Variants in PCSK5 observed in about 807,000 individuals in gnomAD.
PCSK5 encodes the protein prohormone convertase 5.
A neutral mutation model predicts 233.2 loss-of-function variants in PCSK5; 129 were observed. The observed-to-expected ratio is 0.55, with a 90% CI of 0.48 to 0.64. The LOEUF is 0.64. Ranked by LOEUF, PCSK5 falls within the 30% of genes least tolerant of loss-of-function variation. The pLI is 0.00. For synonymous variants in PCSK5, 825 were observed against 879.2 expected, an observed-to-expected ratio of 0.94 and a Z score of 1.09; for missense variants, 2,076 against 2,430.1, an observed-to-expected ratio of 0.85 and a Z score of 3.06.
intron 7 of PCSK5, among the ~76,000 whole-genome samples, chr9:76,088,484 A>G (rs2131635049): frequency 6.6e-6 from 1 of 152,336 alleles, no homozygotes; most frequent in South Asian, 2.1e-4. Context: ...GAAATATTCG[A>G]AGTGTAGAAG....
At chr9:75,904,278 A>G (rs1826173043) in intron 1 of PCSK5, among the ~76,000 whole-genome samples, 1 of 152,220 alleles carries the variant, frequency 6.6e-6, no homozygotes. Context: ...TTCCTTTGTC[A>G]TAAAAGATTA....
chr9:76,188,503 A>T, intron 17 of PCSK5, 75 bp from the exon 18 acceptor site: 1 of 889,550 alleles, frequency 1.1e-6, no homozygotes, highest in Non-Finnish European at 1.9e-6. Context: ...TCTGTTACAT[A>T]TGGAGTTTGG....
intron 3 of PCSK5, among the ~76,000 whole-genome samples, chr9:75,988,864 T>C (rs757539123): frequency 3.3e-5 from 5 of 152,176 alleles, no homozygotes; most frequent in Non-Finnish European, 7.3e-5. Context: ...TACAGGCAGG[T>C]TGATGCAGAG....
At chr9:76,051,202 A>G (rs1198636888) in intron 5 of PCSK5, among the ~76,000 whole-genome samples, 2 of 152,210 alleles carry the variant, frequency 1.3e-5, no homozygotes, top group African/African-American at 2.4e-5. Context: ...AGTGTCTGAC[A>G]TCTCACATTT....
intron 25 of PCSK5, among the ~76,000 whole-genome samples, chr9:76,293,912 T>G (rs1828354290): frequency 1.3e-5 from 2 of 152,328 alleles, no homozygotes; most frequent in South Asian, 4.1e-4. Flanking sequence ...CAATAGACAT[T>G]GTTGCTGGGC....
At position 76,332,569 on chromosome 9, in the gene PCSK5, G is replaced by A; in HGVS notation, c.4707G>A (p.Trp1569Ter). Reference sequence around the variant, plus strand: ...AGTGCCACTCCTGCCGACCGGGCTGGTTCCAGCTAGGAAAAGAGTGCCTGC... The same window carrying A: ...AGTGCCACTCCTGCCGACCGGGCTGATTCCAGCTAGGAAAAGAGTGCCTGC... Reference protein sequence around the residue: ...SRQCHSCRPGWFQLGKECLLQ... With the variant: ...SRQCHSCRPG The change falls in exon 34 of 38, where the codon TGG (tryptophan) becomes TGA (stop). Residue 1569 changes from tryptophan (W) to a stop codon, truncating the protein, a stop_gained. Coordinates refer to ENST00000674117, the MANE Select transcript of PCSK5 (RefSeq NM_001372043.1). LOFTEE classifies it high-confidence loss of function. 6.2e-7 allele frequency: 1 copy of A among 1,607,656 alleles called. No homozygotes were observed. The highest frequency in any genetic ancestry group is 1.1e-5 in the South Asian group (1 of 90,308).
chr9:75,974,430 G>T (rs1209486989), intron 2 of PCSK5, among the ~76,000 whole-genome samples: 1 of 152,206 alleles, frequency 6.6e-6, no homozygotes, highest in African/African-American at 2.4e-5. Context: ...TCAGGCAACT[G>T]GATTTAGGGG....
chr9:76,110,028 G>T (rs1054462465), intron 9 of PCSK5, among the ~76,000 whole-genome samples: 1 of 152,114 alleles, frequency 6.6e-6, no homozygotes, highest in African/African-American at 2.4e-5. Context: ...CATTTACCCA[G>T]CCCCACCCCT....
At chr9:75,939,833 A>G (rs1279548272) in intron 2 of PCSK5, among the ~76,000 whole-genome samples, 2 of 151,882 alleles carry the variant, frequency 1.3e-5, no homozygotes, top group East Asian at 1.9e-4. Flanking sequence ...CCTCAAATCT[A>G]TTATGGGCCA....
intron 30 of PCSK5, among the ~76,000 whole-genome samples, chr9:76,316,700 T>A (rs1829041421): frequency 7.8e-6 from 1 of 128,330 alleles, no homozygotes; most frequent in East Asian, 2.3e-4. Flanking sequence ...ATCACACCAC[T>A]GCACTCTAGC....
At chr9:76,287,587 G>T (rs981652202) in intron 24 of PCSK5, 1 of 152,360 alleles carries the variant, frequency 6.6e-6, no homozygotes, top group Non-Finnish European at 1.5e-5. Flanking sequence ...AGCCTCCTGA[G>T]TAGCTGGGAC....
At position 76,071,789 on chromosome 9, in the gene PCSK5, C is replaced by T. The variant is rs770339266; in HGVS notation, c.785C>T (p.Pro262Leu). The change falls in exon 7 of 38, where the codon CCC (proline) becomes CTC (leucine). Residue 262 changes from proline to leucine, a missense_variant. This residue lies in a region of PCSK5 where 178 missense variants were observed against 393.6 expected (regional missense o/e 0.45). Transcript: ENST00000674117. The stretch of plus-strand genomic sequence containing the variant: ...GAAGCAAAATCAGTTAGCTTCAACC[C>T]CCAGCACGTGCACATTTACAGCGCC... Reference protein sequence around the residue: ...MVEAKSVSFNPQHVHIYSASW... With the variant: ...MVEAKSVSFNLQHVHIYSASW... The T allele has an allele frequency of 6.2e-6, 10 of 1,614,026 alleles. No individual in the cohort carries two copies. The highest frequency in any genetic ancestry group is 8.5e-6 in the Non-Finnish European group (10 of 1,180,012).
At chr9:75,993,830 C>T (rs964149925) in intron 3 of PCSK5, among the ~76,000 whole-genome samples, 11 of 152,184 alleles carry the variant, frequency 7.2e-5, no homozygotes, top group Admixed American at 5.9e-4. Flanking sequence ...TGACCACACA[C>T]GTGAAATGTT....
intron 3 of PCSK5, among the ~76,000 whole-genome samples, chr9:76,010,219 C>A (rs779208097): frequency 6.6e-6 from 1 of 152,100 alleles, no homozygotes; most frequent in Non-Finnish European, 1.5e-5. Context: ...AGTCTGGTTC[C>A]GTAATGATGT....
chr9:76,015,165 C>G (rs1827896743), intron 3 of PCSK5, among the ~76,000 whole-genome samples: 1 of 152,162 alleles, frequency 6.6e-6, no homozygotes. Flanking sequence ...GAAACAGGAG[C>G]AACAGTGCCC....
chr9:76,049,436 G>A (rs1829544286), intron 5 of PCSK5, among the ~76,000 whole-genome samples: 1 of 152,202 alleles, frequency 6.6e-6, no homozygotes, highest in Admixed American at 6.5e-5. Flanking sequence ...TCTGCAAAAG[G>A]AACCAGGAAT....
chr9:76,220,466 G>T (rs1033242421), intron 20 of PCSK5, among the ~76,000 whole-genome samples: 2 of 147,504 alleles, frequency 1.4e-5, no homozygotes, highest in Non-Finnish European at 3.0e-5. Flanking sequence ...GGCAGAGGTT[G>T]CAGTGAGCTG....
chr9:75,977,077 G>A (rs1244271267), intron 2 of PCSK5, among the ~76,000 whole-genome samples: 2 of 152,152 alleles, frequency 1.3e-5, no homozygotes, highest in African/African-American at 4.8e-5. Flanking sequence ...CTAGGCCTTT[G>A]CAGTTTATGA....
At chr9:76,115,933 C>T (rs1234942276) in intron 9 of PCSK5, among the ~76,000 whole-genome samples, 1 of 152,018 alleles carries the variant, frequency 6.6e-6, no homozygotes, top group African/African-American at 2.4e-5. Flanking sequence ...ACTTCCAGGA[C>T]ATTTTTGTCA....
Sources: allele counts gnomAD v4.1 joint callset (sites outside exome capture counted in the v4.1 genomes callset), GRCh38; gene constraint gnomAD v4.1.1; regional missense constraint gnomAD v4.1.1; transcripts MANE v1.5; gene names NCBI Gene and HGNC (gene_info 2026-07-23, HGNC 2026-07-21).